The following MYH10 variants were observed in gnomAD, a reference collection of about 807,000 sequenced individuals.
The protein encoded by MYH10 is myosin heavy chain 10, also known as myosin-10.
A neutral mutation model predicts 257.8 loss-of-function variants in MYH10; 55 were observed. The observed-to-expected ratio is 0.21, with a 90% CI of 0.17 to 0.27. The LOEUF is 0.27. Among genes scored for constraint, MYH10 ranks in the 10% least tolerant of loss-of-function variants. MYH10 has a pLI of 1.00. For synonymous variants in MYH10, 854 were observed against 921.7 expected, an observed-to-expected ratio of 0.93 and a Z score of 1.33; for missense variants, 1,631 against 2,500.6, an observed-to-expected ratio of 0.65 and a Z score of 7.42.
chr17:8,589,814 T>C (rs1240326008), intron 3 of MYH10, among the ~76,000 whole-genome samples: 4 of 152,198 alleles, frequency 2.6e-5, no homozygotes, highest in Admixed American at 2.0e-4. Flanking sequence ...AACCACTATC[T>C]AGCCCATGGA....
intron 7 of MYH10, among the ~76,000 whole-genome samples, chr17:8,561,757 T>C (rs1010156674): frequency 2.0e-5 from 3 of 152,086 alleles, no homozygotes; most frequent in Admixed American, 1.3e-4. Flanking sequence ...GTCACCAACA[T>C]GCAACACTCT....
chr17:8,582,942 T>C (rs1311163647), intron 4 of MYH10, among the ~76,000 whole-genome samples: 1 of 152,206 alleles, frequency 6.6e-6, no homozygotes, highest in Non-Finnish European at 1.5e-5. Flanking sequence ...ATAACCTCGA[T>C]TTGAAAAACA....
At chr17:8,542,304 T>C (rs2082311144) in intron 13 of MYH10, 24 bp from the exon 14 acceptor site, 1 of 1,605,086 alleles carries the variant, frequency 6.2e-7, no homozygotes, top group African/African-American at 1.3e-5. Context: ...AGGGTAATTT[T>C]CCAAACATGG....
chr17:8,481,176 C>T, intron 38 of MYH10, 146 bp downstream of exon 38: 1 of 627,572 alleles, frequency 1.6e-6, no homozygotes, highest in Non-Finnish European at 2.7e-6. Context: ...GCAGGACTGG[C>T]ACGGGGTACC....
At chr17:8,599,469 G>A (rs1567962717) in intron 3 of MYH10, among the ~76,000 whole-genome samples, 2 of 152,020 alleles carry the variant, frequency 1.3e-5, no homozygotes, top group Non-Finnish European at 2.9e-5. Flanking sequence ...TGTCAGTGAT[G>A]TACATGTAAG....
At chr17:8,572,026 T>C (rs1455498538) in intron 6 of MYH10, among the ~76,000 whole-genome samples, 1 of 151,992 alleles carries the variant, frequency 6.6e-6, no homozygotes, top group African/African-American at 2.4e-5. Context: ...TAATACTAAA[T>C]ATCTACTGCT....
At chr17:8,532,752 G>A in intron 16 of MYH10, among the ~76,000 whole-genome samples, 1 of 152,172 alleles carries the variant, frequency 6.6e-6, no homozygotes, top group East Asian at 1.9e-4. Flanking sequence ...TTCTCAACTG[G>A]ATCACTAGCT....
At chr17:8,528,971 G>C (rs144862709) in intron 17 of MYH10, among the ~76,000 whole-genome samples, 97 of 152,334 alleles carry the variant, frequency 6.4e-4, no homozygotes, top group African/African-American at 2.2e-3. Flanking sequence ...CTCACAGAGA[G>C]AGACAGAACC....
At chr17:8,476,772 A>T (rs1017069472) in intron 42 of MYH10, 104 bp downstream of exon 42, 4 of 1,237,166 alleles carry the variant, frequency 3.2e-6, no homozygotes, top group Non-Finnish European at 4.4e-6. Context: ...AGAATGGGTC[A>T]CTGGGTATGG....
intron 6 of MYH10, 26 bp downstream of exon 6, chr17:8,576,617 T>C: frequency 6.5e-7 from 1 of 1,547,872 alleles, no homozygotes; most frequent in Non-Finnish European, 8.7e-7. Flanking sequence ...CACTCAAGAC[T>C]AAGAAGCATA....
chr17:8,513,440 G>C (rs1012619593), intron 23 of MYH10, 98 bp downstream of exon 23: 3 of 1,520,378 alleles, frequency 2.0e-6, no homozygotes, highest in Non-Finnish European at 2.6e-6. Flanking sequence ...GATATGGTGG[G>C]TACAGCTATT....
rs1251447643 is a variant in MYH10, at chr17:8,517,156, A to G, written c.2504+1475T>C. Among the ~76,000 whole-genome samples, 3 of 152,110 alleles carry G rather than the reference A, an allele frequency of 2.0e-5. No homozygotes were observed. In the East Asian group the frequency reaches 5.8e-4, roughly 29 times the overall value. On this transcript the variant is annotated intron_variant, in intron 21 of 42. Coordinates refer to ENST00000360416, the MANE Select transcript of MYH10 (RefSeq NM_001256012.3). ...ACTCTGTCTCAAAAAAAATAAAATA[A>G]AAACCCAATTCTTTTACTCCTTTTT... is the stretch of plus-strand genomic sequence containing the variant.
chr17:8,552,416 C>T lies in MYH10; in HGVS notation c.821-272G>A, dbSNP rs2082669498. On this transcript the variant is annotated intron_variant, in intron 8 of 42. Transcript: ENST00000360416. This position sits in a 1 kb window ranked among gnomAD's most constrained non-coding sequence, Gnocchi z 4.8. Reference sequence around the variant, plus strand: ...GCTTCCCTCACTCAGCTCCACTCTACCCCATCCTTCCCCTAACTTGGATTA... The same window carrying T: ...GCTTCCCTCACTCAGCTCCACTCTATCCCATCCTTCCCCTAACTTGGATTA... 6.6e-6 allele frequency among the ~76,000 whole-genome samples: 1 copy of T among 152,170 alleles called. No individual in the cohort carries two copies. Among genetic ancestry groups the T allele is most frequent in the African/African-American group, 2.4e-5 (1 of 41,440 alleles).
intron 4 of MYH10, among the ~76,000 whole-genome samples, chr17:8,588,243 A>C (rs2083986386): frequency 6.6e-6 from 1 of 152,104 alleles, no homozygotes; most frequent in Admixed American, 6.5e-5. Flanking sequence ...CTTCCATGCC[A>C]CTGACTCTTC....
At chr17:8,564,423 C>T (rs751103260) in intron 7 of MYH10, among the ~76,000 whole-genome samples, 1 of 152,206 alleles carries the variant, frequency 6.6e-6, no homozygotes, top group African/African-American at 2.4e-5. Flanking sequence ...CAACCCAAGG[C>T]CTGGCCTGCC....
At chr17:8,544,063 T>G (rs1402997589) in intron 13 of MYH10, among the ~76,000 whole-genome samples, 10 of 152,236 alleles carry the variant, frequency 6.6e-5, no homozygotes, top group Admixed American at 6.5e-4. Flanking sequence ...GGATCTTTCC[T>G]TAGTGTATAA....
intron 2 of MYH10, among the ~76,000 whole-genome samples, chr17:8,605,346 C>A (rs2084756956): frequency 6.6e-6 from 1 of 152,182 alleles, no homozygotes; most frequent in African/African-American, 2.4e-5. Flanking sequence ...CTCGTTAATG[C>A]AGTTTCAGAT....
In MYH10 at chr17:8,553,953, A is replaced by C; in HGVS notation, c.820+2T>G. On this transcript the variant is annotated splice_donor_variant, in intron 8 of 42. Transcript: ENST00000360416. LOFTEE classifies it high-confidence loss of function. The stretch of plus-strand genomic sequence containing the variant: ...GGATTATACATTTATGAAAAAGGAT[A>C]CATGTTTCAATGTTGGCCCCAACGA... 1 of 1,609,950 alleles carries C rather than the reference A, an allele frequency of 6.2e-7. No homozygotes were observed. Among genetic ancestry groups the C allele is most frequent in the South Asian group, 1.1e-5 (1 of 90,910 alleles).
chr17:8,550,517 G>T (rs546836030), intron 9 of MYH10, among the ~76,000 whole-genome samples: 27 of 151,410 alleles, frequency 1.8e-4, no homozygotes, highest in East Asian at 1.8e-3. Context: ...GGAGGGAGGT[G>T]GGGGGGACAG....
Sources: allele counts gnomAD v4.1 joint callset (sites outside exome capture counted in the v4.1 genomes callset), GRCh38; gene constraint gnomAD v4.1.1; non-coding constraint Gnocchi (gnomAD v3.1); transcripts MANE v1.5; gene names NCBI Gene and HGNC (gene_info 2026-07-23, HGNC 2026-07-21).